The following MYO1B variants were observed in gnomAD, a reference collection of about 807,000 sequenced individuals.
MYO1B encodes unconventional myosin-Ib.
Under a neutral mutation model 159.7 loss-of-function variants are expected in MYO1B, and 72 were observed. The observed-to-expected ratio is 0.45, with a 90% CI of 0.37 to 0.55. MYO1B has a LOEUF of 0.55. Ranked by LOEUF, MYO1B falls within the 20% of genes least tolerant of loss-of-function variation. The pLI is 0.00. For synonymous variants in MYO1B, 468 were observed against 473.8 expected (o/e 0.99, Z 0.16); for missense variants, 1,062 against 1,364.8 (o/e 0.78, Z 3.50).
intron 6 of MYO1B, 68 bp from the exon 7 acceptor site, chr2:191,350,094 C>G (rs1692815253): frequency 3.1e-6 from 4 of 1,286,488 alleles, no homozygotes; most frequent in African/African-American, 1.5e-5. Flanking sequence ...GTCTGCTGTT[C>G]TCTAAGAAGT....
At chr2:191,360,603 C>A in intron 7 of MYO1B, 28 bp from the exon 8 acceptor site, 4 of 1,405,828 alleles carry the variant, frequency 2.8e-6, no homozygotes, top group South Asian at 2.5e-5. Context: ...AAACAAATGC[C>A]ATACTATGAT....
chr2:191,343,871 A>G (rs760898617), intron 5 of MYO1B, among the ~76,000 whole-genome samples: 29 of 152,246 alleles, frequency 1.9e-4, no homozygotes, highest in Non-Finnish European at 3.7e-4. Flanking sequence ...AACATTTAGA[A>G]CAATGAACTT....
intron 3 of MYO1B, among the ~76,000 whole-genome samples, chr2:191,317,771 A>G (rs1690446202): frequency 6.6e-6 from 1 of 152,220 alleles, no homozygotes; most frequent in African/African-American, 2.4e-5. Flanking sequence ...ACTAGAGTAT[A>G]AAATAGAGCC....
At chr2:191,345,294 A>G (rs1207314456) in intron 5 of MYO1B, among the ~76,000 whole-genome samples, 2 of 152,102 alleles carry the variant, frequency 1.3e-5, no homozygotes, top group African/African-American at 4.8e-5. Flanking sequence ...AATGGTAAAG[A>G]TGGGCGGGGT....
At chr2:191,272,607 G>A (rs979778188) in intron 1 of MYO1B, among the ~76,000 whole-genome samples, 2 of 152,202 alleles carry the variant, frequency 1.3e-5, no homozygotes, top group Admixed American at 1.3e-4. Flanking sequence ...AGCCCTCTGA[G>A]CAGTGCCATA....
intron 1 of MYO1B, among the ~76,000 whole-genome samples, chr2:191,265,664 A>G (rs760539786): frequency 2.0e-5 from 3 of 152,298 alleles, no homozygotes; most frequent in African/African-American, 2.4e-5. Flanking sequence ...AGGTTTGCCA[A>G]TCTAAACACA....
At chr2:191,292,272 A>G (rs536766059) in intron 2 of MYO1B, among the ~76,000 whole-genome samples, 36 of 152,282 alleles carry the variant, frequency 2.4e-4, no homozygotes, top group Non-Finnish European at 4.9e-4. Context: ...TAAAATATTT[A>G]AAGAGATTTA....
Position 191,396,470 on chromosome 2 carries a change from A to G in MYO1B, c.2268A>G (p.Val756=). The part of the protein sequence containing the change: ...RYQQTKSSAL[V]IQSYIRGWKA... ...AGCAGACAAAGAGTTCCGCCTTAGT[A>G]ATTCAGTCTTATATCCGGGGTTGGA... Residue 756 remains valine, a synonymous_variant, in exon 21 of 31, where the codon GTA becomes GTG. Coordinates refer to ENST00000392318, the MANE Select transcript of MYO1B (RefSeq NM_001130158.3). The G allele has an allele frequency of 6.2e-7, 1 of 1,614,186 alleles. No homozygotes were observed. The highest frequency in any genetic ancestry group is 8.5e-7 in the Non-Finnish European group (1 of 1,180,020).
intron 16 of MYO1B, among the ~76,000 whole-genome samples, chr2:191,386,567 A>G (rs1695412667): frequency 6.6e-6 from 1 of 152,184 alleles, no homozygotes; most frequent in South Asian, 2.1e-4. Context: ...TATGTCTAAT[A>G]TATAAAGACA....
intron 1 of MYO1B, among the ~76,000 whole-genome samples, chr2:191,250,976 T>C (rs1399633858): frequency 6.6e-6 from 1 of 152,212 alleles, no homozygotes; most frequent in Non-Finnish European, 1.5e-5. Flanking sequence ...GCTTGTTTCC[T>C]TTGTCACCTG....
At chr2:191,391,621 G>A (rs1432534154) in intron 18 of MYO1B, among the ~76,000 whole-genome samples, 1 of 152,136 alleles carries the variant, frequency 6.6e-6, no homozygotes, top group East Asian at 1.9e-4. Flanking sequence ...GAGAGGTCAG[G>A]GCCAAGTCCA....
intron 4 of MYO1B, among the ~76,000 whole-genome samples, chr2:191,339,315 G>A (rs1295603162): frequency 2.6e-5 from 4 of 152,210 alleles, no homozygotes; most frequent in African/African-American, 7.2e-5. Flanking sequence ...GCCCCCAGGA[G>A]TGAAATGAAA....
chr2:191,249,599 G>A (rs1298818368), intron 1 of MYO1B, among the ~76,000 whole-genome samples: 1 of 152,256 alleles, frequency 6.6e-6, no homozygotes, highest in African/African-American at 2.4e-5. Flanking sequence ...AAGTACAGGA[G>A]CAGACTGGAG....
chr2:191,371,375 A>G (rs1694354136), intron 13 of MYO1B, among the ~76,000 whole-genome samples: 1 of 152,182 alleles, frequency 6.6e-6, no homozygotes, highest in Non-Finnish European at 1.5e-5. Context: ...TTTTCCCTCA[A>G]TCATATTCTA....
chr2:191,318,455 A>G (rs529307209), intron 3 of MYO1B, among the ~76,000 whole-genome samples: 1 of 152,276 alleles, frequency 6.6e-6, no homozygotes, highest in East Asian at 1.9e-4. Context: ...TATATTTTGT[A>G]ATAAAAATAT....
chr2:191,372,191 A>G (rs1195101268), intron 13 of MYO1B, among the ~76,000 whole-genome samples: 2 of 152,240 alleles, frequency 1.3e-5, no homozygotes, highest in African/African-American at 2.4e-5. Context: ...GATTAAGAAG[A>G]TACATTCAAT....
At chr2:191,319,358 GA>G in intron 3 of MYO1B, among the ~76,000 whole-genome samples, 2 of 152,244 alleles carry the variant, frequency 1.3e-5, no homozygotes, top group South Asian at 4.2e-4. Flanking sequence ...TCCTCTCAGA[GA>G]AAGCTGTCAG....
chr2:191,423,078 G>A (rs1305195834), intron 30 of MYO1B, among the ~76,000 whole-genome samples: 2 of 152,172 alleles, frequency 1.3e-5, no homozygotes, highest in African/African-American at 4.8e-5. Flanking sequence ...GACAAGAAGT[G>A]TTCCCAGTTT....
At position 191,409,432 on chromosome 2, in the gene MYO1B, C is replaced by G. The variant is rs116416250; in HGVS notation, c.2766+254C>G. Among the ~76,000 whole-genome samples, 1,385 of 152,320 alleles carry G rather than the reference C, an allele frequency of 9.1e-3. 29 individuals are homozygous for G. Among genetic ancestry groups the G allele is most frequent in the Middle Eastern group, 0.051 (15 of 294 alleles). The stretch of plus-strand genomic sequence containing the variant: ...CACAGGGCTGCATTTTCTTTCCATT[C>G]CAGGTTCCAGCTGCTCTCAAGTAGT... On this transcript the variant is annotated intron_variant, in intron 26 of 30. Transcript: ENST00000392318.
Sources: gnomAD v4.1 joint callset for allele counts (sites outside exome capture counted in the v4.1 genomes callset) on GRCh38, gnomAD v4.1.1 for gene constraint, MANE v1.5 for transcripts, NCBI Gene and HGNC (gene_info 2026-07-23, HGNC 2026-07-21) for gene names.